Variants in WDPCP observed in about 807,000 individuals in gnomAD.
WDPCP encodes the protein WD repeat-containing and planar cell polarity effector protein fritz homolog.
WDPCP carries 71 observed loss-of-function variants against 93.1 expected under a neutral mutation model. The ratio of observed to expected loss-of-function variants is 0.76; its 90% CI spans 0.63 to 0.93. The LOEUF is 0.93. Among genes scored for constraint, WDPCP ranks in the 40% least tolerant of loss-of-function variants. WDPCP has a pLI of 0.00. For missense variants in WDPCP, 844 were observed against 887.4 expected, an observed-to-expected ratio of 0.95 and a Z score of 0.62; for synonymous variants, 315 against 315.0, an observed-to-expected ratio of 1.00 and a Z score of 0.00.
At chr2:63,128,724 A>G (rs1670090551) in intron 17 of WDPCP, among the ~76,000 whole-genome samples, 1 of 152,208 alleles carries the variant, frequency 6.6e-6, no homozygotes, top group Non-Finnish European at 1.5e-5. Context: ...GCCGGAGTGC[A>G]GTGGCGCAAT....
At chr2:63,725,868 T>C (rs1334959758) in intron 2 of WDPCP, among the ~76,000 whole-genome samples, 1 of 152,220 alleles carries the variant, frequency 6.6e-6, no homozygotes, top group Non-Finnish European at 1.5e-5. Flanking sequence ...TGTCCATTCA[T>C]GTCATTTGCT....
chr2:63,158,040 A>G (rs1242394800), intron 15 of WDPCP, among the ~76,000 whole-genome samples: 1 of 151,248 alleles, frequency 6.6e-6, no homozygotes, highest in Non-Finnish European at 1.5e-5. Context: ...TTTTCAGTTT[A>G]TAATCTTTTC....
In WDPCP at chr2:63,174,766, G is replaced by A. The variant is rs572858289; in HGVS notation, c.1982C>T (p.Pro661Leu). 14 of 1,613,928 alleles carry A rather than the reference G, an allele frequency of 8.7e-6. No homozygotes were observed. The East Asian group carries it at 2.5e-4, about 28-fold the overall frequency. The change falls in exon 15 of 18, where the codon CCT (proline) becomes CTT (leucine). Residue 661 changes from proline (P) to leucine (L), a missense_variant. Transcript: ENST00000272321. ...NEAFIGLSLA[P>L]QGEDSFPDNL... ...ATCTGGAAATGAGTCTTCTCCTTGA[G>A]GTGCTAAAGACAGGCCAATAAATGC...
chr2:63,315,439 C>T (rs953801848), intron 12 of WDPCP, among the ~76,000 whole-genome samples: 7 of 151,568 alleles, frequency 4.6e-5, no homozygotes, highest in African/African-American at 1.7e-4. Context: ...TAATAGAGGC[C>T]CTCAATGATT....
At chr2:63,222,823 TCTC>T (rs1677955866) in intron 14 of WDPCP, among the ~76,000 whole-genome samples, 1 of 152,162 alleles carries the variant, frequency 6.6e-6, no homozygotes, top group South Asian at 2.1e-4. Flanking sequence ...ATTTATCTCT[TCTC>T]TATAAAGTTA....
intron 2 of WDPCP, among the ~76,000 whole-genome samples, chr2:63,652,864 G>A (rs1710123692): frequency 6.6e-6 from 1 of 152,170 alleles, no homozygotes; most frequent in African/African-American, 2.4e-5. Flanking sequence ...AGATAAGGGA[G>A]TTTAAAGTAA....
At chr2:63,306,318 G>C (rs1339300996) in intron 13 of WDPCP, among the ~76,000 whole-genome samples, 1 of 151,998 alleles carries the variant, frequency 6.6e-6, no homozygotes, top group Non-Finnish European at 1.5e-5. Context: ...GGTACAAAGA[G>C]GAGCTGGTAC....
At chr2:63,188,546 C>G (rs1234414065) in intron 14 of WDPCP, among the ~76,000 whole-genome samples, 1 of 151,758 alleles carries the variant, frequency 6.6e-6, no homozygotes, top group Non-Finnish European at 1.5e-5. Context: ...GTTGCCCAGG[C>G]TAGTCTTGAA....
chr2:63,337,322 A>T (rs1575171343), intron 12 of WDPCP, among the ~76,000 whole-genome samples: 1 of 152,078 alleles, frequency 6.6e-6, no homozygotes, highest in South Asian at 2.1e-4. Context: ...ACATGATTTC[A>T]TTTTTGATGG....
intron 2 of WDPCP, among the ~76,000 whole-genome samples, chr2:63,792,798 G>C (rs1036548536): frequency 3.9e-5 from 6 of 152,006 alleles, no homozygotes; most frequent in Non-Finnish European, 7.4e-5. Flanking sequence ...TCAGACCTGA[G>C]GGCTATGAGT....
At chr2:63,483,919 C>T (rs1186206488) in intron 6 of WDPCP, among the ~76,000 whole-genome samples, 1 of 151,808 alleles carries the variant, frequency 6.6e-6, no homozygotes, top group Non-Finnish European at 1.5e-5. Context: ...CTGAATCTAC[C>T]CATTCAATAC....
At chr2:63,387,326 C>T (rs1366511815) in intron 10 of WDPCP, among the ~76,000 whole-genome samples, 1 of 152,014 alleles carries the variant, frequency 6.6e-6, no homozygotes, top group Non-Finnish European at 1.5e-5. Context: ...GTTAGGTCAA[C>T]ATACACAAAT....
intron 1 of WDPCP, among the ~76,000 whole-genome samples, chr2:63,496,355 T>C (rs1423183538): frequency 6.6e-6 from 1 of 152,212 alleles, no homozygotes; most frequent in African/African-American, 2.4e-5. Flanking sequence ...GTTTCCACTA[T>C]AGTCTACACT....
At chr2:63,209,608 T>A (rs967403985) in intron 14 of WDPCP, among the ~76,000 whole-genome samples, 2 of 152,232 alleles carry the variant, frequency 1.3e-5, no homozygotes, top group Non-Finnish European at 2.9e-5. Flanking sequence ...TAAAGCTTGT[T>A]GTAGATGCTG....
intron 3 of WDPCP, among the ~76,000 whole-genome samples, chr2:63,631,860 T>G (rs1709868161): frequency 1.3e-5 from 2 of 152,204 alleles, no homozygotes; most frequent in Admixed American, 1.3e-4. Context: ...ACAGACTCTG[T>G]GCAGCTTTCA....
At chr2:63,655,017 C>G (rs1490105275) in intron 2 of WDPCP, among the ~76,000 whole-genome samples, 2 of 152,110 alleles carry the variant, frequency 1.3e-5, no homozygotes, top group Non-Finnish European at 2.9e-5. Flanking sequence ...CAGACCAAGC[C>G]AGAGATGAGA....
At chr2:63,202,213 G>A (rs1224431498) in intron 14 of WDPCP, among the ~76,000 whole-genome samples, 1 of 151,858 alleles carries the variant, frequency 6.6e-6, no homozygotes, top group Non-Finnish European at 1.5e-5. Flanking sequence ...AAATTCTGCA[G>A]TTTAAGAATT....
chr2:63,147,039 T>C (rs1671564460), intron 17 of WDPCP, among the ~76,000 whole-genome samples: 1 of 152,220 alleles, frequency 6.6e-6, no homozygotes, highest in Non-Finnish European at 1.5e-5. Context: ...GTGACACCTA[T>C]AGTGCTCAAA....
intron 10 of WDPCP, among the ~76,000 whole-genome samples, chr2:63,394,088 C>A (rs1693511013): frequency 6.6e-6 from 1 of 152,022 alleles, no homozygotes; most frequent in African/African-American, 2.4e-5. Flanking sequence ...AAGAAACAAT[C>A]AACAGAGTAA....
Sources: gnomAD v4.1 joint callset for allele counts (sites outside exome capture counted in the v4.1 genomes callset) on GRCh38, gnomAD v4.1.1 for gene constraint, MANE v1.5 for transcripts, NCBI Gene and HGNC (gene_info 2026-07-23, HGNC 2026-07-21) for gene names.